The following PKHD1 variants were observed in gnomAD, a reference collection of about 807,000 sequenced individuals.
PKHD1 encodes the protein PKHD1 ciliary IPT domain containing fibrocystin/polyductin, also known as fibrocystin.
Under a neutral mutation model 412.0 loss-of-function variants are expected in PKHD1, and 291 were observed. That is an observed-to-expected ratio of 0.71 (90% CI 0.64 to 0.78). The LOEUF is 0.78. Ranked by LOEUF, PKHD1 falls within the 30% of genes least tolerant of loss-of-function variation. The pLI, the probability that PKHD1 is intolerant of heterozygous loss-of-function variation, is 0.00. For missense variants in PKHD1, 4,825 were observed against 4,950.7 expected, an observed-to-expected ratio of 0.97 and a Z score of 0.76; for synonymous variants, 1,777 against 1,821.5, an observed-to-expected ratio of 0.98 and a Z score of 0.62.
intron 60 of PKHD1, among the ~76,000 whole-genome samples, chr6:51,720,544 T>C (rs1192789998): frequency 6.6e-6 from 1 of 152,144 alleles, no homozygotes; most frequent in African/African-American, 2.4e-5. Context: ...TGGCCAACTC[T>C]TACTCAATTT....
intron 60 of PKHD1, among the ~76,000 whole-genome samples, chr6:51,725,689 G>A (rs746941675): frequency 1.1e-4 from 16 of 152,284 alleles, no homozygotes; most frequent in South Asian, 2.1e-4. Context: ...CATTTCACAG[G>A]TCATTATTGC....
At position 52,025,955 on chromosome 6, in the gene PKHD1, G is replaced by C; in HGVS notation, c.3855C>G (p.Ser1285Arg). 1.2e-6 allele frequency: 2 copies of C among 1,614,144 alleles called. No individual in the cohort carries two copies. The highest frequency in any genetic ancestry group is 1.7e-6 in the Non-Finnish European group (2 of 1,180,034). The change falls in exon 32 of 67, where the codon AGC (serine) becomes AGG (arginine). Residue 1285 changes from serine to arginine, a missense_variant. Physicochemically the swap from Ser to Arg is moderately radical, Grantham distance 110. Transcript: ENST00000371117. ...NRFFARGPSP[S>R]LVGKGFTFMY... ...TGAAGGTGAAGCCTTTCCCCACCAA[G>C]CTTGGTGAAGGACCACGGGCGAAGA...
chr6:52,068,894 C>G (rs1402957726), intron 11 of PKHD1, among the ~76,000 whole-genome samples: 1 of 152,152 alleles, frequency 6.6e-6, no homozygotes, highest in Non-Finnish European at 1.5e-5. Flanking sequence ...TCTGAACCAA[C>G]CCCACAGACA....
At chr6:52,070,680 C>T (rs1010582610) in intron 9 of PKHD1, among the ~76,000 whole-genome samples, 5 of 151,974 alleles carry the variant, frequency 3.3e-5, no homozygotes, top group Admixed American at 3.3e-4. Flanking sequence ...AATAAAAGGG[C>T]AAATGCAGTA....
At chr6:51,678,905 C>A in intron 60 of PKHD1, among the ~76,000 whole-genome samples, 1 of 152,046 alleles carries the variant, frequency 6.6e-6, no homozygotes, top group East Asian at 1.9e-4. Context: ...AACACAGGAG[C>A]AGCCAACAGC....
intron 61 of PKHD1, among the ~76,000 whole-genome samples, chr6:51,652,353 C>T (rs1771111099): frequency 6.6e-6 from 1 of 152,092 alleles, no homozygotes; most frequent in South Asian, 2.1e-4. Flanking sequence ...TTTCTATTTG[C>T]ATGGAAAACT....
At chr6:52,072,506 G>C (rs1810768286) in intron 7 of PKHD1, among the ~76,000 whole-genome samples, 1 of 152,110 alleles carries the variant, frequency 6.6e-6, no homozygotes, top group African/African-American at 2.4e-5. Context: ...CCTTTCAAAG[G>C]CTGTATCCCA....
At chr6:51,929,037 G>A (rs1373898087) in intron 37 of PKHD1, among the ~76,000 whole-genome samples, 6 of 152,170 alleles carry the variant, frequency 3.9e-5, no homozygotes, top group Admixed American at 3.9e-4. Flanking sequence ...ACGAGAGACA[G>A]AAGAAAAGGG....
intron 2 of PKHD1, among the ~76,000 whole-genome samples, chr6:52,084,148 G>A (rs372624892): frequency 6.6e-6 from 1 of 152,180 alleles, no homozygotes; most frequent in Non-Finnish European, 1.5e-5. Context: ...CAGCTGCTCA[G>A]TGAGGTAATA....
chr6:51,902,084 A>G (rs897840343), intron 43 of PKHD1, among the ~76,000 whole-genome samples: 3 of 152,172 alleles, frequency 2.0e-5, no homozygotes, highest in African/African-American at 7.2e-5. Flanking sequence ...TGAGACAAGG[A>G]CATTCCAGCT....
chr6:51,900,105 C>T (rs573078448), intron 43 of PKHD1, among the ~76,000 whole-genome samples: 10 of 152,220 alleles, frequency 6.6e-5, no homozygotes, highest in Admixed American at 1.3e-4. Context: ...AGGTAATTTA[C>T]AGATTCAGTG....
chr6:52,045,035 T>C lies in PKHD1; in HGVS notation c.2646A>G (p.Val882=), dbSNP rs1450116257. Residue 882 remains valine, a synonymous_variant, in exon 25 of 67, where the codon GTA becomes GTG. Transcript: ENST00000371117. ...GVNPAAATRV[V]YDGGVFLGPI... Reference sequence around the variant, plus strand: ...GTCCAAGAAAAACTCCACCATCATATACCACACGCGTGGCTGCAGCAGGAT... The same window carrying C: ...GTCCAAGAAAAACTCCACCATCATACACCACACGCGTGGCTGCAGCAGGAT... 3.1e-6 allele frequency: 5 copies of C among 1,613,226 alleles called. No individual in the cohort carries two copies. The highest frequency in any genetic ancestry group is 4.2e-6 in the Non-Finnish European group (5 of 1,179,312).
rs145277900 is a variant in PKHD1, at chr6:51,891,156, C to A, written c.6997-3911G>T. Among the ~76,000 whole-genome samples the A allele has an allele frequency of 4.6e-4, 70 of 152,300 alleles. No homozygotes were observed. In the East Asian group the frequency reaches 0.012, roughly 25 times the overall value. On this transcript the variant is annotated intron_variant, in intron 43 of 66. Transcript: ENST00000371117. The stretch of plus-strand genomic sequence containing the variant: ...TTGTAGCTATTCTCCATTTCTTTAT[C>A]CTTAGACTAAGTAAACTCATTTCAT...
intron 24 of PKHD1, among the ~76,000 whole-genome samples, 170 bp downstream of exon 24, chr6:52,045,834 A>C (rs1195597596): frequency 6.6e-6 from 1 of 152,204 alleles, no homozygotes. Context: ...TGATATACAA[A>C]ATATGTGTTG....
At chr6:51,795,903 T>G (rs532917138) in intron 52 of PKHD1, among the ~76,000 whole-genome samples, 23 of 152,350 alleles carry the variant, frequency 1.5e-4, no homozygotes, top group Non-Finnish European at 2.5e-4. Flanking sequence ...CTTTTTGATG[T>G]GCTGCTGTAT....
intron 61 of PKHD1, among the ~76,000 whole-genome samples, chr6:51,658,098 C>T (rs534258380): frequency 5.3e-5 from 8 of 152,154 alleles, no homozygotes; most frequent in African/African-American, 1.2e-4. Flanking sequence ...TACCACCATA[C>T]ACAATATTAT....
rs551338767 is a variant in PKHD1, at chr6:51,642,794, C to T, written c.11399-3838G>A. On this transcript the variant is annotated intron_variant, in intron 63 of 66. Transcript: ENST00000371117. ...GGCAGAGGTTGCAGTGAGACAAGAT[C>T]GTGCCACTGCATTCCAGCCTGGGTA... is the stretch of plus-strand genomic sequence containing the variant. 5.5e-4 allele frequency among the ~76,000 whole-genome samples: 84 copies of T among 152,158 alleles called. 1 individual carries two copies. The highest frequency in any genetic ancestry group is 5.4e-3 in the Admixed American group (83 of 15,286).
chr6:51,882,956 C>A (rs1292023297), intron 46 of PKHD1, 137 bp downstream of exon 46: 2 of 718,986 alleles, frequency 2.8e-6, no homozygotes, highest in South Asian at 1.5e-5. Flanking sequence ...ATAAAAAGGT[C>A]TTTTAACTTT....
At chr6:51,793,841 C>T (rs1794140419) in intron 52 of PKHD1, among the ~76,000 whole-genome samples, 1 of 152,096 alleles carries the variant, frequency 6.6e-6, no homozygotes, top group South Asian at 2.1e-4. Flanking sequence ...CGTATGCGTG[C>T]ATGTGTCTTT....
Sources: gnomAD v4.1 joint callset for allele counts (sites outside exome capture counted in the v4.1 genomes callset) on GRCh38, gnomAD v4.1.1 for gene constraint, MANE v1.5 for transcripts, NCBI Gene and HGNC (gene_info 2026-07-23, HGNC 2026-07-21) for gene names.